NOTCH1: variants seen among roughly 807,000 people sequenced by gnomAD.
The protein encoded by NOTCH1 is neurogenic locus notch homolog protein 1.
NOTCH1 carries 37 observed loss-of-function variants against 254.8 expected under a neutral mutation model. That is an observed-to-expected ratio of 0.15 (90% CI 0.11 to 0.19). The LOEUF (loss-of-function observed/expected upper bound fraction) is 0.19. Among genes scored for constraint, NOTCH1 ranks in the 10% least tolerant of loss-of-function variants. The pLI is 1.00. For missense variants in NOTCH1, 2,972 were observed against 3,708.6 expected (o/e 0.80, Z 5.16); for synonymous variants, 1,731 against 1,618.1 (o/e 1.07, Z -1.68).
intron 2 of NOTCH1, among the ~76,000 whole-genome samples, chr9:136,530,625 G>A (rs1451835933): frequency 6.6e-6 from 1 of 152,200 alleles, no homozygotes; most frequent in Non-Finnish European, 1.5e-5. Context: ...AACGCCTGCT[G>A]GAGCCCCACC....
intron 3 of NOTCH1, 73 bp from the exon 4 acceptor site, chr9:136,523,261 C>G (rs1228416844): frequency 7.0e-7 from 1 of 1,438,164 alleles, no homozygotes; most frequent in Non-Finnish European, 9.5e-7. Flanking sequence ...TCCCTTCAGG[C>G]CACCTGGAGG....
intron 2 of NOTCH1, among the ~76,000 whole-genome samples, chr9:136,530,110 G>A (rs577410619): frequency 1.9e-4 from 29 of 152,356 alleles, no homozygotes; most frequent in Admixed American, 5.9e-4. Context: ...CGGAGACAGC[G>A]GGCAGCAGGG....
At chr9:136,541,163 C>T (rs928377535) in intron 2 of NOTCH1, among the ~76,000 whole-genome samples, 2 of 152,118 alleles carry the variant, frequency 1.3e-5, no homozygotes, top group East Asian at 1.9e-4. Context: ...AACCATCCTC[C>T]GCCCACCAGC....
chr9:136,518,012 A>G (rs1390730899), intron 7 of NOTCH1, 75 bp from the exon 8 acceptor site: 2 of 1,580,358 alleles, frequency 1.3e-6, no homozygotes, highest in Non-Finnish European at 8.6e-7. Context: ...CACCACCCCC[A>G]TCGGACTGGC....
At chr9:136,515,169 C>G in intron 12 of NOTCH1, 121 bp downstream of exon 12, 1 of 877,456 alleles carries the variant, frequency 1.1e-6, no homozygotes, top group Non-Finnish European at 1.8e-6. Context: ...CTGCAGACCA[C>G]GGTCTGCCCA....
rs1353397421 is a variant in NOTCH1, at chr9:136,508,873, G to A, written c.3168C>T (p.Cys1056=). 1 of 1,543,870 alleles carries A rather than the reference G, an allele frequency of 6.5e-7. No homozygotes were observed. Among genetic ancestry groups the A allele is most frequent in the Non-Finnish European group, 8.7e-7 (1 of 1,143,348 alleles). Residue 1056 remains cysteine, a synonymous_variant, in exon 19 of 34, where the codon TGC becomes TGT. Coordinates refer to ENST00000651671, the MANE Select transcript of NOTCH1 (RefSeq NM_017617.5). ...TCPQGYTGPN[C]QNLVHWCDSS... ...CCTCTGTGGCCGGCGCACTCACCTG[G>A]CAGTTGGGGCCAGTGTAGCCCTGGG...
chr9:136,534,114 G>A (rs1021742877), intron 2 of NOTCH1, among the ~76,000 whole-genome samples: 2 of 152,218 alleles, frequency 1.3e-5, no homozygotes, highest in African/African-American at 4.8e-5. Flanking sequence ...GATGTGGCGG[G>A]AGACGGGGGA....
At chr9:136,527,011 C>T (rs1235241037) in intron 2 of NOTCH1, among the ~76,000 whole-genome samples, 1 of 152,228 alleles carries the variant, frequency 6.6e-6, no homozygotes, top group African/African-American at 2.4e-5. Flanking sequence ...CCCACAGCCA[C>T]GGCTTGGAGG....
intron 33 of NOTCH1, 76 bp downstream of exon 33, chr9:136,498,823 G>T: frequency 2.0e-6 from 3 of 1,530,734 alleles, no homozygotes; most frequent in Non-Finnish European, 9.0e-7. Flanking sequence ...GTGTCCCTGC[G>T]CCCCGTGGGT....
chr9:136,527,611 G>A (rs757284220), intron 2 of NOTCH1, among the ~76,000 whole-genome samples: 11 of 152,184 alleles, frequency 7.2e-5, no homozygotes, highest in Middle Eastern at 3.2e-3. Flanking sequence ...CCGACTGGAC[G>A]AGAGAGCTGC....
At chr9:136,508,846 C>A in intron 19 of NOTCH1, 24 bp downstream of exon 19, 1 of 1,533,152 alleles carries the variant, frequency 6.5e-7, no homozygotes, top group Non-Finnish European at 8.8e-7. Flanking sequence ...CTCCTTCGGG[C>A]ACCTCTGTGG....
intron 16 of NOTCH1, 101 bp downstream of exon 16, chr9:136,511,051 C>T: frequency 6.4e-7 from 1 of 1,565,838 alleles, no homozygotes; most frequent in Admixed American, 1.7e-5. Flanking sequence ...CACCCACCAG[C>T]TCCTCTTCAA....
At chr9:136,543,676 TG>T in intron 2 of NOTCH1, 1 of 440,592 alleles carries the variant, frequency 2.3e-6, no homozygotes, top group East Asian at 4.7e-5. Context: ...TGGTGGGGGC[TG>T]GGCCTCTCAG....
In NOTCH1 at chr9:136,496,098, G is replaced by C. The variant is rs370124241; in HGVS notation, c.7641C>G (p.Ile2547Met). ...SSPPTSMQSQ[I>M]ARIPEAFK The stretch of plus-strand genomic sequence containing the variant: ...ACTTGAAGGCCTCCGGAATGCGGGC[G>C]ATCTGGGACTGCATGCTGGTGGGAG... Residue 2547 changes from isoleucine (I) to methionine (M), a missense_variant, in exon 34 of 34, where the codon ATC becomes ATG. By Grantham distance (10) the Ile-to-Met change is conservative. Coordinates refer to ENST00000651671, the MANE Select transcript of NOTCH1 (RefSeq NM_017617.5). 3 of 1,607,632 alleles carry C rather than the reference G, an allele frequency of 1.9e-6. No homozygotes were observed. Among genetic ancestry groups the C allele is most frequent in the Non-Finnish European group, 2.5e-6 (3 of 1,179,326 alleles).
At chr9:136,512,940 G>C in intron 15 of NOTCH1, 81 bp downstream of exon 15, 1 of 279,644 alleles carries the variant, frequency 3.6e-6, no homozygotes, top group Non-Finnish European at 7.1e-6. Flanking sequence ...CTCCAGCACA[G>C]GCTCCGCCCT....
intron 30 of NOTCH1, among the ~76,000 whole-genome samples, chr9:136,501,420 C>T (rs1480754162): frequency 5.5e-5 from 8 of 144,694 alleles, no homozygotes; most frequent in Admixed American, 2.8e-4. Context: ...GGTGACGGAG[C>T]GAGACTCCAT....
At position 136,505,772 on chromosome 9, in the gene NOTCH1, A is replaced by G. The variant is rs2133340783; in HGVS notation, c.4124T>C (p.Leu1375Pro). 1 of 1,585,742 alleles carries G rather than the reference A, an allele frequency of 6.3e-7. No homozygotes were observed. Among genetic ancestry groups the G allele is most frequent in the South Asian group, 1.1e-5 (1 of 88,486 alleles). ...SGPRSPTCLC[L>P]GPFTGPECQF... ...GCATTCGGGGCCCGTGAAGGGGCCC[A>G]GGCACAGGCAGGTGGGGCTGCGCGG... is the stretch of plus-strand genomic sequence containing the variant. Residue 1375 changes from leucine to proline, a missense_variant, in exon 25 of 34, where the codon CTG becomes CCG. Transcript: ENST00000651671.
intron 6 of NOTCH1, 29 bp downstream of exon 6, chr9:136,518,562 T>C (rs756070560): frequency 6.3e-7 from 1 of 1,588,332 alleles, no homozygotes; most frequent in Non-Finnish European, 8.6e-7. Context: ...GTGAGCCCCC[T>C]GCGCCCACCT....
At chr9:136,538,777 C>T (rs1005556116) in intron 2 of NOTCH1, among the ~76,000 whole-genome samples, 15 of 152,240 alleles carry the variant, frequency 9.9e-5, no homozygotes, top group East Asian at 1.9e-4. Context: ...GGTGGGCGGC[C>T]GTCTGCCAGG....
Sources: gnomAD v4.1 joint callset for allele counts (sites outside exome capture counted in the v4.1 genomes callset) on GRCh38, gnomAD v4.1.1 for gene constraint, MANE v1.5 for transcripts, NCBI Gene and HGNC (gene_info 2026-07-23, HGNC 2026-07-21) for gene names.